NOD2: variants seen among roughly 807,000 people sequenced by gnomAD.
The protein encoded by NOD2 is nucleotide-binding oligomerization domain-containing protein 2.
NOD2 carries 86 observed loss-of-function variants against 90.9 expected under a neutral mutation model. The observed-to-expected ratio is 0.95, with a 90% CI of 0.79 to 1.13. The LOEUF (loss-of-function observed/expected upper bound fraction) is 1.13, where lower values mean the gene tolerates loss of function less well. Among genes scored for constraint, NOD2 ranks in the 50% most tolerant of loss-of-function variants. The pLI is 0.00. For synonymous variants in NOD2, 581 were observed against 554.6 expected, an observed-to-expected ratio of 1.05 and a Z score of -0.67; for missense variants, 1,238 against 1,283.8, an observed-to-expected ratio of 0.96 and a Z score of 0.55.
intron 11 of NOD2, among the ~76,000 whole-genome samples, chr16:50,730,813 C>T (rs1330330902): frequency 6.6e-6 from 1 of 152,220 alleles, no homozygotes; most frequent in Non-Finnish European, 1.5e-5. Context: ...TCCCATAAGC[C>T]TGTGACCCTT....
chr16:50,708,186 C>T (rs1192809581), intron 3 of NOD2, among the ~76,000 whole-genome samples: 1 of 152,224 alleles, frequency 6.6e-6, no homozygotes, highest in Non-Finnish European at 1.5e-5. Flanking sequence ...TTATCTCCCA[C>T]ACAGTATACT....
intron 2 of NOD2, among the ~76,000 whole-genome samples, chr16:50,700,915 G>A (rs1185227909): frequency 6.6e-6 from 1 of 152,206 alleles, no homozygotes; most frequent in Admixed American, 6.5e-5. Flanking sequence ...CCCTGAGAAT[G>A]TAGTAACTCA....
At chr16:50,703,516 G>A (rs960098627) in intron 2 of NOD2, among the ~76,000 whole-genome samples, 4 of 151,898 alleles carry the variant, frequency 2.6e-5, no homozygotes, top group African/African-American at 9.7e-5. Flanking sequence ...GCATGTGCCT[G>A]TAGTCCCAGC....
In NOD2 at chr16:50,731,726, T is replaced by A. The variant is rs78803476; in HGVS notation, c.2970-21T>A. ...CTAATTTTGTCCTCACTCAAACCTC[T>A]GTTCACTTGATCTGCTTTAGGCTCC... On this transcript the variant is annotated intron_variant, in intron 11 of 11. Transcript: ENST00000647318. The A allele has an allele frequency of 1.3e-6, 2 of 1,590,228 alleles. 1 individual carries two copies. The highest frequency in any genetic ancestry group is 2.2e-5 in the South Asian group (2 of 90,628).
chr16:50,709,071 T>C (rs1048059149), intron 3 of NOD2, among the ~76,000 whole-genome samples: 4 of 152,210 alleles, frequency 2.6e-5, no homozygotes, highest in African/African-American at 9.6e-5. Flanking sequence ...TGGAGAATTT[T>C]AGTATCATTG....
rs531624656 is a variant in NOD2 at position 50,694,472 on chromosome 16, G to A, written c.-9+810G>A. On this transcript the variant is annotated intron_variant, in intron 1 of 11. Transcript: ENST00000647318. ...GCTGCTGGGGCCCCTGAGTTTGTTG[G>A]CTGCTCAAGGCCCCTTTGCCTCGCT... 1.8e-3 allele frequency among the ~76,000 whole-genome samples: 275 copies of A among 152,196 alleles called. 3 individuals carry two copies. The highest frequency in any genetic ancestry group is 6.2e-3 in the African/African-American group (256 of 41,510).
In NOD2 at chr16:50,710,989, C is replaced by T; in HGVS notation, c.997C>T (p.Gln333Ter). The T allele has an allele frequency of 6.2e-7, 1 of 1,614,196 alleles. No homozygotes were observed. The highest frequency in any genetic ancestry group is 8.5e-7 in the Non-Finnish European group (1 of 1,180,036). The change falls in exon 4 of 12, where the codon CAA becomes TAA. Residue 333 changes from glutamine to a stop codon, truncating the protein, a stop_gained. Coordinates refer to ENST00000647318, the MANE Select transcript of NOD2 (RefSeq NM_001370466.1). LOFTEE classifies it high-confidence loss of function. ...FEHCCWPDVG[Q>*]EDIFQLLLDH... ...GCACTGCTGTTGGCCTGATGTTGGT[C>T]AAGAAGACATCTTCCAGTTACTCCT...
intron 6 of NOD2, chr16:50,719,619 C>T: frequency 2.0e-6 from 1 of 500,298 alleles, no homozygotes; most frequent in Non-Finnish European, 3.8e-6. Context: ...AGGTGTGACC[C>T]TGAGTCACCC....
chr16:50,695,423 G>A (rs974088858), intron 1 of NOD2, among the ~76,000 whole-genome samples: 2 of 152,284 alleles, frequency 1.3e-5, no homozygotes, highest in African/African-American at 2.4e-5. Flanking sequence ...GTTGCTTAGC[G>A]GAGAGATCAA....
intron 2 of NOD2, among the ~76,000 whole-genome samples, chr16:50,706,702 T>TC (rs1964208000): frequency 6.7e-6 from 1 of 148,942 alleles, no homozygotes; most frequent in Admixed American, 6.6e-5. Context: ...TTCTTTCTTT[T>TC]TTTTTTTTTT....
intron 8 of NOD2, 96 bp downstream of exon 8, chr16:50,722,801 A>AC (rs1378667703): frequency 9.0e-7 from 1 of 1,113,832 alleles, no homozygotes; most frequent in Admixed American, 1.7e-5. Context: ...CTTTATTTCT[A>AC]CCCCACAATG....
chr16:50,725,135 C>T (rs1965219346), intron 9 of NOD2, among the ~76,000 whole-genome samples: 1 of 152,182 alleles, frequency 6.6e-6, no homozygotes. Flanking sequence ...GACCAACCCA[C>T]TTGTATGTTG....
intron 10 of NOD2, chr16:50,728,066 A>T: frequency 4.4e-6 from 1 of 229,798 alleles, no homozygotes. Context: ...GACACTTCAA[A>T]ATGACGATTT....
Position 50,718,015 on chromosome 16 carries a change from G to C in NOD2, c.2549+1041G>C, listed in dbSNP as rs188686605. Among the ~76,000 whole-genome samples the C allele has an allele frequency of 1.3e-4, 20 of 152,332 alleles. No homozygotes were observed. The East Asian group carries it at 3.7e-3, about 28-fold the overall frequency. On this transcript the variant is annotated intron_variant, in intron 6 of 11. Coordinates refer to ENST00000647318, the MANE Select transcript of NOD2 (RefSeq NM_001370466.1). ...AGTTTATAAATTAGGCACAGTAAGA[G>C]AGTAATAGCAACTCATAATAAAATA...
intron 2 of NOD2, among the ~76,000 whole-genome samples, chr16:50,701,417 T>C (rs1028123015): frequency 6.6e-6 from 1 of 152,228 alleles, no homozygotes; most frequent in African/African-American, 2.4e-5. Context: ...TAACCCTAGA[T>C]TGAGATTGAT....
intron 5 of NOD2, 107 bp from the exon 6 acceptor site, chr16:50,716,784 G>T: frequency 6.9e-7 from 1 of 1,450,798 alleles, no homozygotes; most frequent in Admixed American, 1.7e-5. Flanking sequence ...TTGCATGATG[G>T]GGGGTGCAGG....
chr16:50,695,308 G>T (rs903068814), intron 1 of NOD2, among the ~76,000 whole-genome samples: 1 of 152,166 alleles, frequency 6.6e-6, no homozygotes, highest in Admixed American at 6.5e-5. Context: ...TTCAAAGGCC[G>T]TGTCGATAGG....
rs3135499 is a variant in NOD2, at chr16:50,732,216, A to C, written c.*397A>C. 143,362 of 353,018 alleles carry C rather than the reference A, an allele frequency of 0.41. 30,965 individuals carry two copies. Among genetic ancestry groups the C allele is most frequent in the African/African-American group, 0.56 (26,316 of 47,258 alleles). 21.9% of individuals were successfully genotyped at this position (353,018 alleles called of 1,614,324 possible). On this transcript the variant is annotated 3_prime_UTR_variant, in exon 12 of 12. Transcript: ENST00000647318. Reference sequence around the variant, plus strand: ...CCCGGCCTCTCACAAAAGACCCCTTACCACTGCTCTGATGAAGAGGAGTAC... The same window carrying C: ...CCCGGCCTCTCACAAAAGACCCCTTCCCACTGCTCTGATGAAGAGGAGTAC...
intron 9 of NOD2, 76 bp downstream of exon 9, chr16:50,723,460 C>G (rs537618644): frequency 4.2e-5 from 56 of 1,321,944 alleles, no homozygotes; most frequent in Non-Finnish European, 6.1e-5. Flanking sequence ...TCCATAGGAG[C>G]GGTTGTGTGG....
Sources: gnomAD v4.1 joint callset for allele counts (sites outside exome capture counted in the v4.1 genomes callset) on GRCh38, gnomAD v4.1.1 for gene constraint, MANE v1.5 for transcripts, NCBI Gene and HGNC (gene_info 2026-07-23, HGNC 2026-07-21) for gene names.